MCTP2: variants seen among roughly 807,000 people sequenced by gnomAD.
MCTP2 encodes the protein multiple C2 and transmembrane domain-containing protein 2.
In MCTP2, 132 loss-of-function variants were observed where a neutral mutation model predicts 111.6. The observed-to-expected ratio is 1.18, with a 90% CI of 1.03 to 1.37. MCTP2 has a LOEUF of 1.37. Among genes scored for constraint, MCTP2 ranks in the 40% most tolerant of loss-of-function variants. The probability of loss-of-function intolerance (pLI) is 0.00; values close to 1 mark genes in which losing one functional copy is unlikely to be tolerated. For missense variants in MCTP2, 1,183 were observed against 1,067.9 expected, an observed-to-expected ratio of 1.11 and a Z score of -1.50; for synonymous variants, 395 against 387.7, an observed-to-expected ratio of 1.02 and a Z score of -0.22.
At chr15:94,289,620 G>C (rs2074940867) in intron 1 of MCTP2, among the ~76,000 whole-genome samples, 2 of 152,128 alleles carry the variant, frequency 1.3e-5, no homozygotes, top group South Asian at 4.1e-4. Flanking sequence ...TTGAAATTAA[G>C]TATGGCTTAT....
chr15:94,483,864 C>G lies in MCTP2; in HGVS notation c.*4830C>G, dbSNP rs1336490069. 1 of 152,158 alleles carries G rather than the reference C, an allele frequency of 6.6e-6. No homozygotes were observed. Among genetic ancestry groups the G allele is most frequent in the Non-Finnish European group, 1.5e-5 (1 of 68,016 alleles). 9.4% of individuals were successfully genotyped at this position (152,158 alleles called of 1,614,324 possible). A position where few individuals can be genotyped will look rare whatever the true frequency, so the allele number is the denominator to read the frequency against. On this transcript the variant is annotated 3_prime_UTR_variant, in exon 23 of 23. Coordinates refer to ENST00000357742, the MANE Select transcript of MCTP2 (RefSeq NM_001385001.1). Reference sequence around the variant, plus strand: ...CCTGAACTTTAAAAAAAACTATGTTCTATCAAAACCTGCCTCTCATTTATG... The same window carrying G: ...CCTGAACTTTAAAAAAAACTATGTTGTATCAAAACCTGCCTCTCATTTATG...
chr15:94,245,064 A>G (rs139521136), intron 1 of MCTP2, among the ~76,000 whole-genome samples: 1 of 149,922 alleles, frequency 6.7e-6, no homozygotes, highest in Non-Finnish European at 1.5e-5. Context: ...ATACATATGT[A>G]CCTGTTTACG....
At chr15:94,297,856 T>C (rs1372471104) in intron 1 of MCTP2, among the ~76,000 whole-genome samples, 1 of 152,132 alleles carries the variant, frequency 6.6e-6, no homozygotes, top group African/African-American at 2.4e-5. Flanking sequence ...CAGCTGCTGT[T>C]GGTGTTCTCG....
At chr15:94,244,269 TACACACATATATAC>T (rs1294061763) in intron 1 of MCTP2, among the ~76,000 whole-genome samples, 4 of 144,860 alleles carry the variant, frequency 2.8e-5, no homozygotes, top group Non-Finnish European at 6.1e-5. Context: ...TATATTTATA[TACACACATATATAC>T]ACATACATAT....
intron 20 of MCTP2, among the ~76,000 whole-genome samples, chr15:94,463,331 A>G (rs576189650): frequency 1.3e-5 from 2 of 152,032 alleles, no homozygotes; most frequent in African/African-American, 2.4e-5. Context: ...TTTGTGTGAA[A>G]TATATTCCTG....
At chr15:94,344,651 G>T (rs1354965658) in intron 7 of MCTP2, among the ~76,000 whole-genome samples, 1 of 152,040 alleles carries the variant, frequency 6.6e-6, no homozygotes, top group Non-Finnish European at 1.5e-5. Flanking sequence ...TTCATATTTT[G>T]TCTAGTGTTT....
chr15:94,339,932 T>C (rs1275257809), intron 5 of MCTP2, among the ~76,000 whole-genome samples: 1 of 152,212 alleles, frequency 6.6e-6, no homozygotes, highest in African/African-American at 2.4e-5. Flanking sequence ...AATGGTCCAT[T>C]GTGCATAACA....
intron 14 of MCTP2, 91 bp from the exon 15 acceptor site, chr15:94,398,870 C>T (rs2081409660): frequency 2.9e-6 from 2 of 683,792 alleles, no homozygotes; most frequent in South Asian, 1.8e-5. Context: ...CATTGTGCAT[C>T]CCCAATTTTG....
chr15:94,231,644 C>G lies in MCTP2; in HGVS notation c.-86C>G, dbSNP rs931994774. ...CGCGCGCCTGCCCAGCTTTGCAGCC[C>G]CCGAACGCGGCCTCGCACAGGTGAG... On this transcript the variant is annotated 5_prime_UTR_variant, in exon 1 of 23. Transcript: ENST00000357742. 6.6e-6 allele frequency: 1 copy of G among 152,362 alleles called. No individual in the cohort carries two copies. Among genetic ancestry groups the G allele is most frequent in the Non-Finnish European group, 1.5e-5 (1 of 68,154 alleles). The allele number at this position is 152,362 out of a possible 1,614,324, so 9.4% of individuals were successfully genotyped here. A position where few individuals can be genotyped will look rare whatever the true frequency, so the allele number is the denominator to read the frequency against.
intron 20 of MCTP2, among the ~76,000 whole-genome samples, chr15:94,464,243 TATATATATATATATTATA>T (rs1567764016): frequency 1.7e-5 from 1 of 57,702 alleles, no homozygotes; most frequent in African/African-American, 6.9e-5. Context: ...ATATATAATA[TATATATATATATATTATA>T]TATATATATA....
At chr15:94,475,033 G>T (rs1023133938) in intron 21 of MCTP2, among the ~76,000 whole-genome samples, 7 of 151,988 alleles carry the variant, frequency 4.6e-5, no homozygotes, top group African/African-American at 1.7e-4. Context: ...CTCCAGATGC[G>T]CACACCATAT....
At chr15:94,469,285 C>T (rs1287684476) in intron 20 of MCTP2, among the ~76,000 whole-genome samples, 8 of 152,182 alleles carry the variant, frequency 5.3e-5, no homozygotes, top group African/African-American at 1.9e-4. Flanking sequence ...CGTTCGATCT[C>T]TAGGAATGCA....
rs1393938651 is a variant in MCTP2 at position 94,479,640 on chromosome 15, C to T, written c.*606C>T. Reference sequence around the variant, plus strand: ...GTATGTGAATTTTTGGGAAACCTCTCGGTGCTGGATGCCAGCCTACAGCAG... The same window carrying T: ...GTATGTGAATTTTTGGGAAACCTCTTGGTGCTGGATGCCAGCCTACAGCAG... On this transcript the variant is annotated 3_prime_UTR_variant, in exon 23 of 23. Transcript: ENST00000357742. The T allele has an allele frequency of 3.9e-5, 6 of 152,238 alleles. No homozygotes were observed. Among genetic ancestry groups the T allele is most frequent in the Non-Finnish European group, 5.9e-5 (4 of 68,152 alleles). The allele number at this position is 152,238 out of a possible 1,614,324, so 9.4% of individuals were successfully genotyped here.
At chr15:94,383,684 G>A (rs1359432888) in intron 12 of MCTP2, among the ~76,000 whole-genome samples, 1 of 152,122 alleles carries the variant, frequency 6.6e-6, no homozygotes, top group East Asian at 1.9e-4. Flanking sequence ...ACAGTATGGG[G>A]GAAACCGCCC....
At chr15:94,464,218 ATAT>A (rs1363742181) in intron 20 of MCTP2, among the ~76,000 whole-genome samples, 1 of 110,058 alleles carries the variant, frequency 9.1e-6, no homozygotes, top group African/African-American at 3.2e-5. Context: ...TTTGCATGAA[ATAT>A]TATATGTTTA....
intron 1 of MCTP2, among the ~76,000 whole-genome samples, chr15:94,284,332 CAG>C (rs1356218627): frequency 8.5e-5 from 13 of 152,196 alleles, no homozygotes; most frequent in African/African-American, 2.4e-5. Flanking sequence ...GGCTGAAAAA[CAG>C]AGAGAGAAAC....
At chr15:94,373,840 A>C (rs2079611816) in intron 12 of MCTP2, among the ~76,000 whole-genome samples, 1 of 152,192 alleles carries the variant, frequency 6.6e-6, no homozygotes, top group Admixed American at 6.6e-5. Context: ...TTTAAGTAAT[A>C]GGTGATGCAG....
intron 1 of MCTP2, among the ~76,000 whole-genome samples, chr15:94,254,208 A>T (rs2072619560): frequency 6.6e-6 from 1 of 152,108 alleles, no homozygotes; most frequent in Non-Finnish European, 1.5e-5. Context: ...ACCATTTCCC[A>T]TTGTGATGCA....
chr15:94,359,100 A>G (rs2078782971), intron 10 of MCTP2, among the ~76,000 whole-genome samples: 1 of 152,154 alleles, frequency 6.6e-6, no homozygotes, highest in South Asian at 2.1e-4. Context: ...AGACACTCAC[A>G]TGTGTAATGA....
Sources: allele counts gnomAD v4.1 joint callset (sites outside exome capture counted in the v4.1 genomes callset), GRCh38; gene constraint gnomAD v4.1.1; transcripts MANE v1.5; gene names NCBI Gene and HGNC (gene_info 2026-07-23, HGNC 2026-07-21).